Variants in TET1 observed in about 807,000 individuals in gnomAD.
The protein encoded by TET1 is methylcytosine dioxygenase TET1.
TET1 carries 13 observed loss-of-function variants against 148.7 expected under a neutral mutation model. That is an observed-to-expected ratio of 0.09 (90% confidence interval 0.06 to 0.14). TET1 has a LOEUF of 0.14. Ranked by LOEUF, TET1 falls within the 10% of genes least tolerant of loss-of-function variation. The pLI is 1.00. For missense variants in TET1, 2,182 were observed against 2,553.8 expected (o/e 0.85, Z 3.14); for synonymous variants, 907 against 937.2 (o/e 0.97, Z 0.59).
At chr10:68,577,653 C>CA (rs1283436912) in intron 2 of TET1, among the ~76,000 whole-genome samples, 3 of 151,990 alleles carry the variant, frequency 2.0e-5, no homozygotes, top group Non-Finnish European at 2.9e-5. Context: ...ACTAAAAATA[C>CA]AAAAAATAGC....
Position 68,601,019 on chromosome 10 carries a change from G to A in TET1, c.1953G>A (p.Lys651=). 1 of 1,604,658 alleles carries A rather than the reference G, an allele frequency of 6.2e-7. No homozygotes were observed. Among genetic ancestry groups the A allele is most frequent in the Non-Finnish European group, 8.5e-7 (1 of 1,177,916 alleles). Residue 651 remains lysine, a synonymous_variant, in exon 3 of 12, where the codon AAG becomes AAA. Coordinates refer to ENST00000373644, the MANE Select transcript of TET1 (RefSeq NM_030625.3). ...ACAAGAGGCCCCAGAGGGAAAAGAAGCCCAAAGTTTTAAAGGTAATCAGCT... is the reference window on the plus strand; with the variant it reads ...ACAAGAGGCCCCAGAGGGAAAAGAAACCCAAAGTTTTAAAGGTAATCAGCT... ...KENKRPQREK[K]PKVLKADFDN...
In TET1 at chr10:68,573,600, T is replaced by C; in HGVS notation, c.1262T>C (p.Met421Thr). The C allele has an allele frequency of 6.2e-7, 1 of 1,614,176 alleles. No homozygotes were observed. The highest frequency in any genetic ancestry group is 8.5e-7 in the Non-Finnish European group (1 of 1,180,036). Residue 421 changes from methionine (M) to threonine (T), a missense_variant, in exon 2 of 12, where the codon ATG becomes ACG. Around this residue, in one of 11 missense-constraint regions of TET1, gnomAD observed 665 missense variants for 672.4 expected, o/e 0.99. Transcript: ENST00000373644. ...TTAGACCAACAAGAAACTCTTGGTA[T>C]GAGTGGGAGTGTTGTCCCAGACTTG... ...TILDQQETLG[M>T]SGSVVPDLPV...
chr10:68,647,525 AC>A (rs2054869005), intron 4 of TET1, among the ~76,000 whole-genome samples: 1 of 151,988 alleles, frequency 6.6e-6, no homozygotes, highest in Non-Finnish European at 1.5e-5. Context: ...AATCACTTGA[AC>A]CTGGGAGGTG....
chr10:68,659,745 C>G (rs773076420), intron 6 of TET1, among the ~76,000 whole-genome samples: 6 of 152,070 alleles, frequency 3.9e-5, no homozygotes, highest in Non-Finnish European at 8.8e-5. Context: ...AATTTTAATT[C>G]AAGTATAATA....
intron 8 of TET1, 131 bp downstream of exon 8, chr10:68,673,176 A>G (rs2055298024): frequency 1.8e-6 from 1 of 570,580 alleles, no homozygotes; most frequent in Non-Finnish European, 2.6e-6. Flanking sequence ...TAGTAAAATT[A>G]TATTTCTATT....
intron 9 of TET1, among the ~76,000 whole-genome samples, chr10:68,682,347 A>G (rs1001396273): frequency 1.3e-5 from 2 of 152,030 alleles, no homozygotes; most frequent in Non-Finnish European, 2.9e-5. Context: ...CCTGGCCACA[A>G]GTGATCTGCC....
chr10:68,586,532 A>C, intron 2 of TET1, among the ~76,000 whole-genome samples: 1 of 141,214 alleles, frequency 7.1e-6, no homozygotes, highest in African/African-American at 2.6e-5. Context: ...ATGTGATCTC[A>C]CTATGTTGCC....
intron 2 of TET1, among the ~76,000 whole-genome samples, chr10:68,580,612 C>T (rs1817369458): frequency 6.6e-6 from 1 of 150,846 alleles, no homozygotes; most frequent in Non-Finnish European, 1.5e-5. Context: ...AAACCCATCT[C>T]TACCAAAAAT....
chr10:68,581,666 AC>A (rs1428352982), intron 2 of TET1, among the ~76,000 whole-genome samples: 1 of 151,820 alleles, frequency 6.6e-6, no homozygotes, highest in Non-Finnish European at 1.5e-5. Flanking sequence ...ACATGGTGAA[AC>A]CCCGTTTCTC....
intron 1 of TET1, among the ~76,000 whole-genome samples, chr10:68,561,261 C>CAT (rs896887567): frequency 3.9e-5 from 6 of 152,110 alleles, no homozygotes; most frequent in South Asian, 2.1e-4. Context: ...TCCCTCCCCC[C>CAT]ATATATATAT....
intron 2 of TET1, among the ~76,000 whole-genome samples, chr10:68,592,046 G>A (rs2053924487): frequency 6.6e-6 from 1 of 151,908 alleles, no homozygotes; most frequent in African/African-American, 2.4e-5. Flanking sequence ...GACTGGGTAT[G>A]GTGGCTCACG....
chr10:68,640,288 G>T (rs2054725688), intron 3 of TET1, among the ~76,000 whole-genome samples: 1 of 150,574 alleles, frequency 6.6e-6, no homozygotes, highest in Non-Finnish European at 1.5e-5. Flanking sequence ...TTCTGAGAGG[G>T]AGTCTCACTC....
At chr10:68,669,806 C>T (rs546152530) in intron 7 of TET1, among the ~76,000 whole-genome samples, 50 of 151,802 alleles carry the variant, frequency 3.3e-4, no homozygotes, top group Admixed American at 3.2e-3. Context: ...CCCGCCACCA[C>T]GTCCAGCTAA....
At chr10:68,568,527 C>T (rs1294905922) in intron 1 of TET1, among the ~76,000 whole-genome samples, 2 of 152,190 alleles carry the variant, frequency 1.3e-5, no homozygotes, top group African/African-American at 4.8e-5. Context: ...AGGTGTGAGC[C>T]ACAGTGCCAG....
At chr10:68,600,165 T>TA in intron 2 of TET1, among the ~76,000 whole-genome samples, 1 of 152,094 alleles carries the variant, frequency 6.6e-6, no homozygotes, top group Non-Finnish European at 1.5e-5. Context: ...CCTTATAAAG[T>TA]AAAAATGCAC....
chr10:68,560,985 C>A (rs1156440107), intron 1 of TET1, among the ~76,000 whole-genome samples: 1 of 152,188 alleles, frequency 6.6e-6, no homozygotes, highest in East Asian at 1.9e-4. Context: ...ATCGGCCACC[C>A]GCTCCGGAGG....
At chr10:68,627,592 T>C (rs958678930) in intron 3 of TET1, among the ~76,000 whole-genome samples, 1 of 151,058 alleles carries the variant, frequency 6.6e-6, no homozygotes, top group Non-Finnish European at 1.5e-5. Flanking sequence ...CGAGACTCTG[T>C]CTCAAAAAAA....
chr10:68,601,960 G>A (rs974826421), intron 3 of TET1, among the ~76,000 whole-genome samples: 3 of 152,152 alleles, frequency 2.0e-5, no homozygotes, highest in African/African-American at 7.2e-5. Flanking sequence ...GGAACAACAT[G>A]TTGAACTATG....
chr10:68,623,531 G>C (rs796519941), intron 3 of TET1, among the ~76,000 whole-genome samples: 1 of 152,180 alleles, frequency 6.6e-6, no homozygotes, highest in Admixed American at 6.5e-5. Flanking sequence ...AGATGGACTC[G>C]ATGCCCTTGA....
Sources: gnomAD v4.1 joint callset for allele counts (sites outside exome capture counted in the v4.1 genomes callset) on GRCh38, gnomAD v4.1.1 for gene constraint, gnomAD v4.1.1 regional missense constraint, MANE v1.5 for transcripts, NCBI Gene and HGNC (gene_info 2026-07-23, HGNC 2026-07-21) for gene names.